Variants in OSTN observed in about 807,000 individuals in gnomAD.
OSTN encodes the protein osteocrin.
OSTN carries 9 observed loss-of-function variants against 12.0 expected under a neutral mutation model. That is an observed-to-expected ratio of 0.75 (90% CI 0.45 to 1.30). The LOEUF is 1.30. OSTN is among the 50% of genes most tolerant of loss of function. The pLI, the probability that OSTN is intolerant of heterozygous loss-of-function variation, is 0.00. For synonymous variants in OSTN, 59 were observed against 56.9 expected (o/e 1.04, Z -0.16); for missense variants, 148 against 152.3 (o/e 0.97, Z 0.15).
At chr3:191,230,436 C>G (rs190752081) in intron 3 of OSTN, among the ~76,000 whole-genome samples, 7 of 151,478 alleles carry the variant, frequency 4.6e-5, no homozygotes, top group Admixed American at 2.6e-4. Flanking sequence ...TGGTGGTGGG[C>G]GCCTGTAGCC....
intron 4 of OSTN, among the ~76,000 whole-genome samples, chr3:191,251,954 C>T (rs1280487762): frequency 6.6e-6 from 1 of 152,204 alleles, no homozygotes; most frequent in Admixed American, 6.5e-5. Flanking sequence ...TGATTGGTTT[C>T]CACATATACC....
intron 2 of OSTN, among the ~76,000 whole-genome samples, chr3:191,216,319 G>A (rs910876316): frequency 6.6e-6 from 1 of 152,240 alleles, no homozygotes; most frequent in African/African-American, 2.4e-5. Context: ...CTGGGCCTGT[G>A]ATGGGAGGGG....
At chr3:191,242,613 G>T (rs1481151912) in intron 3 of OSTN, among the ~76,000 whole-genome samples, 1 of 151,784 alleles carries the variant, frequency 6.6e-6, no homozygotes, top group Non-Finnish European at 1.5e-5. Flanking sequence ...CAATCTGATC[G>T]GAACTCCTGG....
chr3:191,255,503 A>G (rs1351385811), intron 4 of OSTN, among the ~76,000 whole-genome samples: 4 of 152,242 alleles, frequency 2.6e-5, no homozygotes, highest in Admixed American at 2.6e-4. Flanking sequence ...CAAATCCTTG[A>G]TGAAATAACC....
intron 3 of OSTN, among the ~76,000 whole-genome samples, chr3:191,237,881 G>GC (rs1560121142): frequency 6.6e-6 from 1 of 152,140 alleles, no homozygotes; most frequent in Non-Finnish European, 1.5e-5. Context: ...TCCTGTTCAT[G>GC]CCCCAGTACA....
intron 3 of OSTN, among the ~76,000 whole-genome samples, chr3:191,249,329 T>A (rs1715507381): frequency 6.6e-6 from 1 of 152,178 alleles, no homozygotes; most frequent in Non-Finnish European, 1.5e-5. Context: ...CAAATCAAAT[T>A]GAAAAGTTTC....
At chr3:191,218,571 C>A (rs1379329422) in intron 2 of OSTN, among the ~76,000 whole-genome samples, 176 bp from the exon 3 acceptor site, 5 of 152,106 alleles carry the variant, frequency 3.3e-5, no homozygotes, top group Non-Finnish European at 5.9e-5. Flanking sequence ...TGCAGTGAGC[C>A]GAGATCACGC....
chr3:191,243,647 C>T (rs1459993238), intron 3 of OSTN, among the ~76,000 whole-genome samples: 1 of 151,950 alleles, frequency 6.6e-6, no homozygotes, highest in Admixed American at 6.6e-5. Flanking sequence ...GAAATGATAC[C>T]ACACTCACAT....
chr3:191,231,021 A>AT (rs1560119295), intron 3 of OSTN, among the ~76,000 whole-genome samples: 1 of 152,138 alleles, frequency 6.6e-6, no homozygotes, highest in Non-Finnish European at 1.5e-5. Context: ...TTAGTCTTCT[A>AT]TATTTTTATT....
At chr3:191,210,788 T>TGCCATGTA (rs1218297488) in intron 1 of OSTN, among the ~76,000 whole-genome samples, 1 of 152,208 alleles carries the variant, frequency 6.6e-6, no homozygotes, top group Non-Finnish European at 1.5e-5. Flanking sequence ...GCTTTCCCAT[T>TGCCATGTA]GCCATGTACT....
intron 3 of OSTN, among the ~76,000 whole-genome samples, chr3:191,229,082 C>G (rs972316761): frequency 3.9e-5 from 6 of 152,286 alleles, no homozygotes; most frequent in Non-Finnish European, 7.4e-5. Flanking sequence ...GAAATGAGTT[C>G]AGAGACACTA....
intron 3 of OSTN, among the ~76,000 whole-genome samples, chr3:191,236,598 G>T (rs1473333838): frequency 6.6e-6 from 1 of 151,480 alleles, no homozygotes. Flanking sequence ...AAGGGCTTGG[G>T]ACAAAGGATT....
intron 3 of OSTN, among the ~76,000 whole-genome samples, chr3:191,241,545 A>G (rs1182694830): frequency 1.3e-5 from 2 of 152,088 alleles, no homozygotes; most frequent in Non-Finnish European, 2.9e-5. Context: ...TGTAGTAGTG[A>G]AATCAGACTA....
chr3:191,212,867 CTTTTTTTTTTT>C (rs397991965), intron 2 of OSTN, among the ~76,000 whole-genome samples: 1 of 93,080 alleles, frequency 1.1e-5, no homozygotes, highest in African/African-American at 4.0e-5. Flanking sequence ...TCTTTTCTTT[CTTTTTTTTTTT>C]TTTTTTTTTT....
At chr3:191,224,190 C>T (rs115997568) in intron 3 of OSTN, among the ~76,000 whole-genome samples, 2,169 of 151,854 alleles carry the variant, frequency 0.014, 42 homozygotes, top group African/African-American at 0.044. Flanking sequence ...CCAGCCTGAC[C>T]GACATGGAAA....
At chr3:191,223,741 T>G (rs1714830720) in intron 3 of OSTN, among the ~76,000 whole-genome samples, 1 of 151,830 alleles carries the variant, frequency 6.6e-6, no homozygotes, top group Admixed American at 6.6e-5. Context: ...AAACTAAAAT[T>G]TCTCTATGAA....
intron 3 of OSTN, among the ~76,000 whole-genome samples, chr3:191,219,282 G>A (rs1179397465): frequency 6.6e-6 from 1 of 152,182 alleles, no homozygotes; most frequent in African/African-American, 2.4e-5. Flanking sequence ...TGGCATAAAT[G>A]TTCTGGTGAA....
At chr3:191,250,515 C>A (rs1715540243) in intron 4 of OSTN, among the ~76,000 whole-genome samples, 2 of 152,252 alleles carry the variant, frequency 1.3e-5, no homozygotes, top group South Asian at 4.1e-4. Flanking sequence ...TGATACACAT[C>A]ATTTTGTTGT....
intron 4 of OSTN, among the ~76,000 whole-genome samples, chr3:191,252,986 T>C (rs1370919537): frequency 3.3e-5 from 5 of 152,202 alleles, no homozygotes; most frequent in Non-Finnish European, 7.3e-5. Context: ...AAAATGGAGC[T>C]GCAAGAGGAA....
Sources: gnomAD v4.1 joint callset for allele counts (sites outside exome capture counted in the v4.1 genomes callset) on GRCh38, gnomAD v4.1.1 for gene constraint, MANE v1.5 for transcripts, NCBI Gene and HGNC (gene_info 2026-07-23, HGNC 2026-07-21) for gene names.